EGFR: variants seen among roughly 807,000 people sequenced by gnomAD.
EGFR encodes the protein avian erythroblastic leukemia viral (v-erb-b) oncogene homolog.
In EGFR, 58 loss-of-function variants were observed where a neutral mutation model predicts 143.0. The ratio of observed to expected loss-of-function variants is 0.41; its 90% confidence interval spans 0.33 to 0.50. The LOEUF (loss-of-function observed/expected upper bound fraction) is 0.50. Ranked by LOEUF, EGFR falls within the 20% of genes least tolerant of loss-of-function variation. The pLI, the probability that EGFR is intolerant of heterozygous loss-of-function variation, is 0.39. For synonymous variants in EGFR, 613 were observed against 594.4 expected (o/e 1.03, Z -0.45); for missense variants, 1,307 against 1,579.0 (o/e 0.83, Z 2.92).
At chr7:55,125,252 G>T (rs1793455499) in intron 1 of EGFR, among the ~76,000 whole-genome samples, 1 of 152,210 alleles carries the variant, frequency 6.6e-6, no homozygotes, top group African/African-American at 2.4e-5. Context: ...GGGAGAAGGA[G>T]ATTATTTAAT....
intron 1 of EGFR, among the ~76,000 whole-genome samples, chr7:55,108,972 CA>C (rs1792300975): frequency 6.6e-6 from 1 of 152,136 alleles, no homozygotes; most frequent in Admixed American, 6.5e-5. Flanking sequence ...CCTATGTAAA[CA>C]TATAAATCAG....
At position 55,078,566 on chromosome 7, in the gene EGFR, CGT is replaced by C. The variant is rs1220590981; in HGVS notation, c.88+59203_88+59204del. On this transcript the variant is annotated intron_variant, in intron 1 of 27. Transcript: ENST00000275493. ...CCAGACTGACCTGCGTCCTTCCGCA[CGT>C]GCAGGAAAATGTCCACGTGCACTTG... Among the ~76,000 whole-genome samples, 15 of 152,320 alleles carry C rather than the reference CGT, an allele frequency of 9.8e-5. No homozygotes were observed. In the East Asian group the frequency reaches 2.9e-3, roughly 29 times the overall value.
chr7:55,052,876 C>T lies in EGFR; in HGVS notation c.88+33511C>T, dbSNP rs73420786. ...AAGAAGAAGGCAGGAGCTCGCACAG[C>T]TCTTGACTCATCTTGACTTCTTTTT... On this transcript the variant is annotated intron_variant, in intron 1 of 27. Transcript: ENST00000275493. Among the ~76,000 whole-genome samples, 646 of 152,264 alleles carry T rather than the reference C, an allele frequency of 4.2e-3. 7 individuals carry two copies. The highest frequency in any genetic ancestry group is 0.015 in the African/African-American group (627 of 41,546).
intron 1 of EGFR, among the ~76,000 whole-genome samples, chr7:55,021,511 C>T (rs1270004209): frequency 6.6e-6 from 1 of 152,180 alleles, no homozygotes; most frequent in African/African-American, 2.4e-5. Context: ...CGCATTCACT[C>T]AAAACAGAAT....
chr7:55,037,788 T>C (rs1787679206), intron 1 of EGFR, among the ~76,000 whole-genome samples: 1 of 152,232 alleles, frequency 6.6e-6, no homozygotes, highest in South Asian at 2.1e-4. Flanking sequence ...CAGATTTACT[T>C]TCTCCCAGAT....
intron 1 of EGFR, among the ~76,000 whole-genome samples, chr7:55,020,726 A>G (rs950959361): frequency 2.5e-4 from 38 of 151,908 alleles, no homozygotes; most frequent in South Asian, 4.2e-4. Flanking sequence ...CACAATTCCA[A>G]CCTTGAGCTG....
chr7:55,047,769 C>CA (rs1562667463), intron 1 of EGFR, among the ~76,000 whole-genome samples: 1 of 152,002 alleles, frequency 6.6e-6, no homozygotes, highest in Non-Finnish European at 1.5e-5. Context: ...AACAAACAAA[C>CA]AAAAAAACAC....
intron 22 of EGFR, among the ~76,000 whole-genome samples, chr7:55,198,337 G>C (rs890559484): frequency 7.9e-5 from 12 of 152,112 alleles, no homozygotes; most frequent in South Asian, 2.1e-4. Context: ...GCAGATACAG[G>C]TCCCTCAGAG....
chr7:55,065,354 G>A (rs189772074), intron 1 of EGFR, among the ~76,000 whole-genome samples: 6 of 152,318 alleles, frequency 3.9e-5, no homozygotes, highest in East Asian at 1.9e-4. Flanking sequence ...AGTGAGCTGC[G>A]CAGGGTGAGT....
rs17335773 is a variant in EGFR at position 55,032,390 on chromosome 7, T to C, written c.88+13025T>C. Among the ~76,000 whole-genome samples, 1,347 of 152,294 alleles carry C rather than the reference T, an allele frequency of 8.8e-3. 6 individuals are homozygous for C. The highest frequency in any genetic ancestry group is 0.015 in the Non-Finnish European group (1,042 of 68,022). On this transcript the variant is annotated intron_variant, in intron 1 of 27. Transcript: ENST00000275493. ...ATGGGCCTTAAGGGAAAAAATGATA[T>C]CTGAAGATGCAATTTATTTCAAAAA...
intron 1 of EGFR, among the ~76,000 whole-genome samples, chr7:55,035,083 G>A (rs537053095): frequency 5.9e-5 from 9 of 152,194 alleles, no homozygotes; most frequent in Non-Finnish European, 1.2e-4. Context: ...AGTGGCCTTC[G>A]AGCTTAACAC....
intron 1 of EGFR, among the ~76,000 whole-genome samples, chr7:55,041,578 CT>C: frequency 6.6e-6 from 1 of 152,188 alleles, no homozygotes; most frequent in Non-Finnish European, 1.5e-5. Flanking sequence ...AAATACACAT[CT>C]GCAGCCCTAA....
At position 55,027,163 on chromosome 7, in the gene EGFR, T is replaced by C. The variant is rs7808366; in HGVS notation, c.88+7798T>C. Among the ~76,000 whole-genome samples, 120 of 152,176 alleles carry C rather than the reference T, an allele frequency of 7.9e-4. 1 individual carries two copies. Among genetic ancestry groups the C allele is most frequent in the African/African-American group, 2.6e-3 (109 of 41,526 alleles). ...TTGTCCTCTGAGGACCGACTTACCT[T>C]TTGGAAGGGCTGAGAAAGAGAGACA... On this transcript the variant is annotated intron_variant, in intron 1 of 27. Transcript: ENST00000275493.
rs748687776 is a variant in EGFR, at chr7:55,170,558, A to C, written c.1881-617A>C. On this transcript the variant is annotated intron_variant, in intron 15 of 27. Transcript: ENST00000275493. ...TCCTGCCACTGAGCCTCATGCCTTC[A>C]CGTGTCTGTTCCCCCCGCTTTTCCT... 3.1e-6 allele frequency: 5 copies of C among 1,612,374 alleles called. No homozygotes were observed. The Admixed American group carries it at 8.3e-5, about 27-fold the overall frequency.
chr7:55,165,429 C>T lies in EGFR; in HGVS notation c.1872C>T (p.Cys624=), dbSNP rs769203592. 5.0e-6 allele frequency: 8 copies of T among 1,611,376 alleles called. No individual in the cohort carries two copies. Among genetic ancestry groups the T allele is most frequent in the South Asian group, 1.1e-5 (1 of 90,934 alleles). ...GHVCHLCHPN[C]TYGCTGPGLE... ...TGTGCCACCTGTGCCATCCAAACTG[C>T]ACCTACGGGTGAGTGGAAAGTGAAG... Residue 624 remains cysteine (C), a synonymous_variant, in exon 15 of 28, where the codon TGC becomes TGT. Coordinates refer to ENST00000275493, the MANE Select transcript of EGFR (RefSeq NM_005228.5).
chr7:55,078,513 G>C (rs1790266865), intron 1 of EGFR, among the ~76,000 whole-genome samples: 1 of 152,202 alleles, frequency 6.6e-6, no homozygotes, highest in South Asian at 2.1e-4. Context: ...CCTTCCCTCT[G>C]AGCTGGTCCC....
chr7:55,087,570 A>T (rs1790844875), intron 1 of EGFR, among the ~76,000 whole-genome samples: 1 of 152,248 alleles, frequency 6.6e-6, no homozygotes, highest in East Asian at 1.9e-4. Context: ...ATTGGCACCA[A>T]GGATTTCTGG....
At chr7:55,202,757 A>T (rs1787908702) in intron 27 of EGFR, 132 bp downstream of exon 27, 1 of 825,944 alleles carries the variant, frequency 1.2e-6, no homozygotes, top group Non-Finnish European at 2.1e-6. Context: ...AGATTTGCAG[A>T]CACAGTGAAG....
At chr7:55,149,476 C>A (rs1794924911) in intron 4 of EGFR, among the ~76,000 whole-genome samples, 1 of 152,144 alleles carries the variant, frequency 6.6e-6, no homozygotes, top group African/African-American at 2.4e-5. Flanking sequence ...GAAAGCATCA[C>A]ACCTTCCTTT....
Sources: allele counts gnomAD v4.1 joint callset (sites outside exome capture counted in the v4.1 genomes callset), GRCh38; gene constraint gnomAD v4.1.1; transcripts MANE v1.5; gene names NCBI Gene and HGNC (gene_info 2026-07-23, HGNC 2026-07-21).